The following KCNIP4 variants were observed in gnomAD, a reference collection of about 807,000 sequenced individuals.
KCNIP4 encodes the protein potassium voltage-gated channel interacting protein 4.
KCNIP4 carries 12 observed loss-of-function variants against 34.0 expected under a neutral mutation model. The ratio of observed to expected loss-of-function variants is 0.35; its 90% confidence interval spans 0.23 to 0.57. The LOEUF is 0.57. Ranked by LOEUF, KCNIP4 falls within the 20% of genes least tolerant of loss-of-function variation. The probability of loss-of-function intolerance (pLI) is 0.83; values close to 1 mark genes in which losing one functional copy is unlikely to be tolerated. For synonymous variants in KCNIP4, 124 were observed against 102.2 expected (o/e 1.21, Z -1.29); for missense variants, 238 against 311.7 (o/e 0.76, Z 1.78).
At chr4:20,871,732 A>G (rs2149510889) in intron 2 of KCNIP4, among the ~76,000 whole-genome samples, 1 of 152,248 alleles carries the variant, frequency 6.6e-6, no homozygotes, top group Middle Eastern at 3.4e-3. Context: ...ACATTTGCCC[A>G]GGGATAAACA....
At chr4:21,229,523 T>A (rs1351959407) in intron 1 of KCNIP4, among the ~76,000 whole-genome samples, 1 of 152,230 alleles carries the variant, frequency 6.6e-6, no homozygotes, top group East Asian at 1.9e-4. Flanking sequence ...ACCTATAATG[T>A]GCTGTTCACA....
chr4:20,749,629 A>C, intron 5 of KCNIP4, 33 bp downstream of exon 5: 2 of 1,450,618 alleles, frequency 1.4e-6, no homozygotes, highest in Non-Finnish European at 1.9e-6. Context: ...AACTCTAAAT[A>C]GTCAAATGAT....
chr4:21,891,003 C>T (rs534252383), intron 1 of KCNIP4, among the ~76,000 whole-genome samples: 1 of 152,240 alleles, frequency 6.6e-6, no homozygotes, highest in East Asian at 1.9e-4. Flanking sequence ...TTCCAGCAAC[C>T]TCCACCTGGC....
intron 3 of KCNIP4, among the ~76,000 whole-genome samples, chr4:20,848,684 G>A (rs1720666018): frequency 6.6e-6 from 1 of 152,052 alleles, no homozygotes; most frequent in Admixed American, 6.6e-5. Context: ...GAAACCCTAC[G>A]GGGATGGCAT....
intron 1 of KCNIP4, among the ~76,000 whole-genome samples, chr4:20,936,633 C>T (rs988786728): frequency 6.6e-6 from 1 of 152,126 alleles, no homozygotes; most frequent in East Asian, 1.9e-4. Context: ...CTGTACAATA[C>T]TCTCCATATC....
intron 1 of KCNIP4, among the ~76,000 whole-genome samples, chr4:21,611,249 T>G (rs544522289): frequency 4.6e-5 from 7 of 152,198 alleles, no homozygotes; most frequent in African/African-American, 1.7e-4. Context: ...TCCAAGACTT[T>G]GCTATTGTGA....
chr4:21,274,428 C>T (rs1247424303), intron 1 of KCNIP4, among the ~76,000 whole-genome samples: 1 of 152,156 alleles, frequency 6.6e-6, no homozygotes, highest in Non-Finnish European at 1.5e-5. Flanking sequence ...TGACATTTAA[C>T]AAATTAATTT....
intron 1 of KCNIP4, among the ~76,000 whole-genome samples, chr4:20,982,150 A>G (rs1736123711): frequency 6.6e-6 from 1 of 152,180 alleles, no homozygotes; most frequent in African/African-American, 2.4e-5. Context: ...AACTTTGACA[A>G]TATAAGAACT....
chr4:21,243,225 A>G (rs924413520), intron 1 of KCNIP4, among the ~76,000 whole-genome samples: 17 of 152,174 alleles, frequency 1.1e-4, no homozygotes, highest in Non-Finnish European at 2.9e-5. Flanking sequence ...TGATACATAT[A>G]AGAAATTTTC....
At chr4:21,846,059 A>G (rs1040303352) in intron 1 of KCNIP4, 1 of 152,048 alleles carries the variant, frequency 6.6e-6, no homozygotes, top group African/African-American at 2.4e-5. Context: ...ATGTCATATA[A>G]TATGGATGCT....
chr4:21,216,128 T>C (rs746625302), intron 1 of KCNIP4, among the ~76,000 whole-genome samples: 2 of 152,152 alleles, frequency 1.3e-5, no homozygotes, highest in African/African-American at 2.4e-5. Flanking sequence ...CAAAGGGCGG[T>C]TGAGAAATGA....
At chr4:21,903,189 A>T (rs542026041) in intron 1 of KCNIP4, among the ~76,000 whole-genome samples, 2 of 152,310 alleles carry the variant, frequency 1.3e-5, no homozygotes, top group Admixed American at 6.5e-5. Context: ...TGATAGAAGT[A>T]TAGAATGATA....
At chr4:21,927,911 T>C (rs548366760) in intron 1 of KCNIP4, among the ~76,000 whole-genome samples, 2 of 152,088 alleles carry the variant, frequency 1.3e-5, no homozygotes, top group Admixed American at 1.3e-4. Flanking sequence ...GATATAAGGA[T>C]CTAAACCATT....
chr4:20,893,842 T>G (rs1046068311), intron 1 of KCNIP4, among the ~76,000 whole-genome samples: 1 of 152,156 alleles, frequency 6.6e-6, no homozygotes, highest in Admixed American at 6.6e-5. Context: ...CTATTTCTTT[T>G]CCGCAAGCTA....
At chr4:20,797,936 C>T (rs902531073) in intron 3 of KCNIP4, among the ~76,000 whole-genome samples, 4 of 152,198 alleles carry the variant, frequency 2.6e-5, no homozygotes, top group African/African-American at 9.6e-5. Context: ...GTGTGCTGGA[C>T]TTGACCTACA....
intron 1 of KCNIP4, among the ~76,000 whole-genome samples, chr4:21,621,754 C>T (rs115169199): frequency 0.01 from 1,555 of 152,136 alleles, 30 homozygotes; most frequent in African/African-American, 0.035. Flanking sequence ...CATTTGGGCA[C>T]GAAGGTCTGA....
At chr4:21,046,713 C>T (rs1742451816) in intron 1 of KCNIP4, among the ~76,000 whole-genome samples, 1 of 151,972 alleles carries the variant, frequency 6.6e-6, no homozygotes, top group Admixed American at 6.6e-5. Flanking sequence ...TGCCTTGGCC[C>T]TGCAAGTAGC....
At chr4:21,750,142 T>A (rs1717054908) in intron 1 of KCNIP4, among the ~76,000 whole-genome samples, 2 of 152,154 alleles carry the variant, frequency 1.3e-5, no homozygotes, top group Non-Finnish European at 2.9e-5. Flanking sequence ...TTCCACATTG[T>A]AGACGCTGCC....
At chr4:21,513,466 T>C (rs1349693941) in intron 1 of KCNIP4, among the ~76,000 whole-genome samples, 1 of 152,196 alleles carries the variant, frequency 6.6e-6, no homozygotes, top group Middle Eastern at 3.2e-3. Flanking sequence ...GAAGGTAGCA[T>C]AATACACTAT....
Sources: gnomAD v4.1 joint callset for allele counts (sites outside exome capture counted in the v4.1 genomes callset) on GRCh38, gnomAD v4.1.1 for gene constraint, MANE v1.5 for transcripts, NCBI Gene and HGNC (gene_info 2026-07-23, HGNC 2026-07-21) for gene names.